AKAP6: variants seen among roughly 807,000 people sequenced by gnomAD.
AKAP6 encodes A-kinase anchor protein 6.
Under a neutral mutation model 188.5 loss-of-function variants are expected in AKAP6, and 58 were observed. That is an observed-to-expected ratio of 0.31 (90% CI 0.25 to 0.38). The LOEUF (loss-of-function observed/expected upper bound fraction) is 0.38. AKAP6 is among the 10% of genes least tolerant of loss of function. The pLI is 1.00. For missense variants in AKAP6, 2,710 were observed against 2,740.0 expected, an observed-to-expected ratio of 0.99 and a Z score of 0.24; for synonymous variants, 989 against 998.6, an observed-to-expected ratio of 0.99 and a Z score of 0.18.
intron 2 of AKAP6, among the ~76,000 whole-genome samples, chr14:32,528,727 G>T (rs1241943060): frequency 6.6e-6 from 1 of 152,036 alleles, no homozygotes; most frequent in Non-Finnish European, 1.5e-5. Flanking sequence ...CCCCAGGCTG[G>T]AGTGCAATGG....
chr14:32,394,348 A>G (rs1888804579), intron 1 of AKAP6, among the ~76,000 whole-genome samples: 1 of 152,204 alleles, frequency 6.6e-6, no homozygotes, highest in African/African-American at 2.4e-5. Flanking sequence ...TTAAGATTCC[A>G]AAGGAGCCTG....
intron 7 of AKAP6, chr14:32,627,896 T>C (rs12717222): frequency 0.65 from 98,069 of 151,902 alleles, 33,015 homozygotes; most frequent in East Asian, 0.95. Context: ...AGGCAGCAGT[T>C]ACTGTCCACA....
At chr14:32,766,384 C>T (rs1457347642) in intron 11 of AKAP6, among the ~76,000 whole-genome samples, 5 of 152,110 alleles carry the variant, frequency 3.3e-5, no homozygotes, top group African/African-American at 4.8e-5. Flanking sequence ...AAAAGGAAAT[C>T]GCTGGATCAT....
rs191107502 is a variant in AKAP6 at position 32,366,778 on chromosome 14, A to G, written c.-35+37370A>G. Among the ~76,000 whole-genome samples, 258 of 152,184 alleles carry G rather than the reference A, an allele frequency of 1.7e-3. 2 individuals are homozygous for G. Among genetic ancestry groups the G allele is most frequent in the African/African-American group, 6.0e-3 (248 of 41,522 alleles). Reference sequence around the variant, plus strand: ...CATCAAAGCTGTAAAAAGCATTTTCATTTATTTTTAGTATGTTTAGCCCAA... The same window carrying G: ...CATCAAAGCTGTAAAAAGCATTTTCGTTTATTTTTAGTATGTTTAGCCCAA... On this transcript the variant is annotated intron_variant, in intron 1 of 13. Coordinates refer to ENST00000280979, the MANE Select transcript of AKAP6 (RefSeq NM_004274.5).
chr14:32,578,500 T>C (rs758197281), intron 5 of AKAP6, among the ~76,000 whole-genome samples: 28 of 152,208 alleles, frequency 1.8e-4, no homozygotes, highest in Admixed American at 3.9e-4. Flanking sequence ...CCCTGTTGAG[T>C]AGAGTTTCAA....
In AKAP6 at chr14:32,640,666, A is replaced by G. The variant is rs533274488; in HGVS notation, c.2731-37645A>G. ...TGCCTGTGCTCACATTAGCCCTTAC[A>G]GATAACCCTCGATTGACTGAGAATC... On this transcript the variant is annotated intron_variant, in intron 7 of 13. Coordinates refer to ENST00000280979, the MANE Select transcript of AKAP6 (RefSeq NM_004274.5). Among the ~76,000 whole-genome samples, 42 of 152,270 alleles carry G rather than the reference A, an allele frequency of 2.8e-4. No homozygotes were observed. In the East Asian group the frequency reaches 5.4e-3, roughly 20 times the overall value.
In AKAP6 at chr14:32,823,542, C is replaced by T. The variant is rs771986930; in HGVS notation, c.5729C>T (p.Pro1910Leu). 19 of 1,613,598 alleles carry T rather than the reference C, an allele frequency of 1.2e-5. No individual in the cohort carries two copies. Among genetic ancestry groups the T allele is most frequent in the African/African-American group, 2.7e-5 (2 of 74,850 alleles). ...EGIPERQKGKPNVTSKVSENL... is the reference protein window; with the variant it reads ...EGIPERQKGKLNVTSKVSENL... ...ATTCCAGAAAGGCAAAAGGGAAAAC[C>T]GAATGTGACTTCAAAGGTATCAGAA... is the stretch of plus-strand genomic sequence containing the variant. The change falls in exon 13 of 14, where the codon CCG (proline) becomes CTG (leucine). Residue 1910 changes from proline to leucine, a missense_variant. Coordinates refer to ENST00000280979, the MANE Select transcript of AKAP6 (RefSeq NM_004274.5).
At chr14:32,617,445 T>TA (rs1271890260) in intron 7 of AKAP6, among the ~76,000 whole-genome samples, 1 of 152,198 alleles carries the variant, frequency 6.6e-6, no homozygotes, top group Admixed American at 6.5e-5. Context: ...AATTTTGTAT[T>TA]AAAGATATTC....
intron 2 of AKAP6, among the ~76,000 whole-genome samples, chr14:32,530,477 C>T (rs1036392082): frequency 6.6e-6 from 1 of 152,080 alleles, no homozygotes; most frequent in Middle Eastern, 3.2e-3. Context: ...CTTCCAGATG[C>T]ACATGGAGCC....
chr14:32,593,516 A>G (rs1479240318), intron 5 of AKAP6, among the ~76,000 whole-genome samples: 1 of 152,218 alleles, frequency 6.6e-6, no homozygotes, highest in Non-Finnish European at 1.5e-5. Flanking sequence ...GAAGGGACAC[A>G]TCTGCCTGGG....
At chr14:32,796,127 G>A (rs937718893) in intron 12 of AKAP6, among the ~76,000 whole-genome samples, 23 of 151,898 alleles carry the variant, frequency 1.5e-4, no homozygotes, top group African/African-American at 5.3e-4. Context: ...TCAAATCAGA[G>A]AGTACATAAA....
At chr14:32,380,922 C>A (rs997532596) in intron 1 of AKAP6, among the ~76,000 whole-genome samples, 2 of 152,006 alleles carry the variant, frequency 1.3e-5, no homozygotes, top group African/African-American at 2.4e-5. Flanking sequence ...TTTTAGCAGG[C>A]CTTATACATA....
intron 1 of AKAP6, among the ~76,000 whole-genome samples, chr14:32,331,399 G>A (rs943622854): frequency 1.3e-5 from 2 of 152,000 alleles, no homozygotes; most frequent in African/African-American, 4.8e-5. Context: ...GCTGGTGGGT[G>A]TGGACTGACG....
At chr14:32,687,908 G>T (rs1200290354) in intron 8 of AKAP6, among the ~76,000 whole-genome samples, 1 of 152,022 alleles carries the variant, frequency 6.6e-6, no homozygotes, top group Non-Finnish European at 1.5e-5. Flanking sequence ...CTTACCAGTA[G>T]AAATGTATTC....
intron 1 of AKAP6, among the ~76,000 whole-genome samples, chr14:32,408,419 A>G (rs1889368119): frequency 6.6e-6 from 1 of 151,762 alleles, no homozygotes; most frequent in Non-Finnish European, 1.5e-5. Flanking sequence ...ATTAGCAATA[A>G]TATTTGTACA....
At chr14:32,607,487 GC>G (rs1009842851) in intron 7 of AKAP6, among the ~76,000 whole-genome samples, 1 of 152,208 alleles carries the variant, frequency 6.6e-6, no homozygotes, top group Non-Finnish European at 1.5e-5. Context: ...AAGAAAAACA[GC>G]AGGCCAAGGC....
At chr14:32,352,198 G>T (rs1349082631) in intron 1 of AKAP6, among the ~76,000 whole-genome samples, 1 of 150,932 alleles carries the variant, frequency 6.6e-6, no homozygotes, top group African/African-American at 2.4e-5. Context: ...TCCTAGCCCA[G>T]ATTGTAACAG....
chr14:32,436,886 A>G (rs1240540784), intron 2 of AKAP6, among the ~76,000 whole-genome samples: 1 of 152,184 alleles, frequency 6.6e-6, no homozygotes, highest in East Asian at 1.9e-4. Flanking sequence ...CTGATGCTCC[A>G]CTGCACTACA....
intron 9 of AKAP6, among the ~76,000 whole-genome samples, chr14:32,718,654 A>C (rs1022649720): frequency 6.6e-6 from 1 of 152,096 alleles, no homozygotes; most frequent in Admixed American, 6.6e-5. Flanking sequence ...TAAACAATTA[A>C]CTTTGTTCAT....
Sources: allele counts gnomAD v4.1 joint callset (sites outside exome capture counted in the v4.1 genomes callset), GRCh38; gene constraint gnomAD v4.1.1; transcripts MANE v1.5; gene names NCBI Gene and HGNC (gene_info 2026-07-23, HGNC 2026-07-21).